Variants in DPP6 observed in about 807,000 individuals in gnomAD.
DPP6 encodes dipeptidyl peptidase like 6, also known as A-type potassium channel modulatory protein DPP6.
DPP6 carries 69 observed loss-of-function variants against 122.6 expected under a neutral mutation model. The ratio of observed to expected loss-of-function variants is 0.56; its 90% confidence interval spans 0.46 to 0.69. The LOEUF (loss-of-function observed/expected upper bound fraction) is 0.69. Among genes scored for constraint, DPP6 ranks in the 30% least tolerant of loss-of-function variants. The pLI, the probability that DPP6 is intolerant of heterozygous loss-of-function variation, is 0.00. For missense variants in DPP6, 928 were observed against 1,116.9 expected (o/e 0.83, Z 2.41); for synonymous variants, 418 against 433.1 (o/e 0.97, Z 0.43).
chr7:154,813,261 T>C (rs1276422956), intron 16 of DPP6, among the ~76,000 whole-genome samples: 2 of 151,952 alleles, frequency 1.3e-5, no homozygotes, highest in Non-Finnish European at 2.9e-5. Context: ...TTTTTTGTAT[T>C]TTTATTAGAG....
chr7:153,977,096 T>C (rs1429617439), intron 1 of DPP6, among the ~76,000 whole-genome samples: 3 of 152,206 alleles, frequency 2.0e-5, no homozygotes, highest in East Asian at 3.9e-4. Flanking sequence ...ACAGAAATCT[T>C]CATGTTTTCT....
chr7:153,754,814 G>A, the DPP6 span, among the ~76,000 whole-genome samples: 1 of 151,424 alleles, frequency 6.6e-6, no homozygotes, highest in Non-Finnish European at 1.5e-5. Context: ...TGTGGTTTGT[G>A]TGCTTAGCTC....
At chr7:154,268,271 T>A (rs2150928704) in intron 1 of DPP6, among the ~76,000 whole-genome samples, 1 of 152,330 alleles carries the variant, frequency 6.6e-6, no homozygotes, top group African/African-American at 2.4e-5. Context: ...TTCTTAGTTC[T>A]TTCTAGCTCC....
chr7:154,795,459 A>G (rs1250785202), intron 11 of DPP6, among the ~76,000 whole-genome samples: 1 of 152,186 alleles, frequency 6.6e-6, no homozygotes, highest in Non-Finnish European at 1.5e-5. Flanking sequence ...TCTGGACACA[A>G]TGTCCAATGT....
At chr7:153,753,121 T>C in the DPP6 span, among the ~76,000 whole-genome samples, 1 of 151,706 alleles carries the variant, frequency 6.6e-6, no homozygotes, top group Non-Finnish European at 1.5e-5. Context: ...ATTTCATATC[T>C]GTTTTCTCTT....
At chr7:154,770,886 T>C (rs987370633) in intron 9 of DPP6, among the ~76,000 whole-genome samples, 4 of 152,204 alleles carry the variant, frequency 2.6e-5, no homozygotes, top group African/African-American at 9.6e-5. Flanking sequence ...TGGACACAGC[T>C]CCCATGGACA....
chr7:154,151,821 G>A (rs1227339986), intron 1 of DPP6, among the ~76,000 whole-genome samples: 1 of 151,840 alleles, frequency 6.6e-6, no homozygotes, highest in Non-Finnish European at 1.5e-5. Context: ...CTCAGCCTCT[G>A]CTTCTGGGGA....
At chr7:154,290,899 A>T (rs73727945) in intron 1 of DPP6, among the ~76,000 whole-genome samples, 5,548 of 152,172 alleles carry the variant, frequency 0.036, 148 homozygotes, top group African/African-American at 0.074. Flanking sequence ...TCCCATATGG[A>T]TAGACCTTCC....
At chr7:153,773,246 A>G in the DPP6 span, among the ~76,000 whole-genome samples, 14 of 131,256 alleles carry the variant, frequency 1.1e-4, no homozygotes, top group East Asian at 2.1e-3. Context: ...GTGGTTACAG[A>G]CTGAAACTCT....
In DPP6 at chr7:154,637,882, G is replaced by A. The variant is rs1835829009; in HGVS notation, c.680+9G>A. ...AGCAAAATTCCTCATGGGTAAGAGT[G>A]TTCTTTTCTTTCTTTTAATTAGAAA... On this transcript the variant is annotated intron_variant, in intron 6 of 25. Coordinates refer to ENST00000377770, the MANE Select transcript of DPP6 (RefSeq NM_130797.4). 1.9e-6 allele frequency: 3 copies of A among 1,566,506 alleles called. No individual in the cohort carries two copies. The highest frequency in any genetic ancestry group is 1.9e-5 in the Admixed American group (1 of 52,624).
At chr7:154,531,399 C>CA (rs1827826919) in intron 3 of DPP6, among the ~76,000 whole-genome samples, 1 of 151,874 alleles carries the variant, frequency 6.6e-6, no homozygotes, top group Non-Finnish European at 1.5e-5. Context: ...AAAAACAAAA[C>CA]AAAAAACCCT....
chr7:153,951,302 T>G (rs997201957), intron 1 of DPP6, among the ~76,000 whole-genome samples: 1 of 152,166 alleles, frequency 6.6e-6, no homozygotes, highest in Non-Finnish European at 1.5e-5. Flanking sequence ...CAGGTGCATC[T>G]GGACGCAAAG....
chr7:153,903,913 G>A (rs192609416), intron 1 of DPP6, among the ~76,000 whole-genome samples: 3 of 152,314 alleles, frequency 2.0e-5, no homozygotes, highest in Admixed American at 2.0e-4. Flanking sequence ...TGAGGGTTGA[G>A]GGACTTTTGG....
chr7:153,886,296 T>C (rs537262538), upstream of DPP6, among the ~76,000 whole-genome samples: 24 of 152,060 alleles, frequency 1.6e-4, no homozygotes, highest in Non-Finnish European at 3.1e-4. Flanking sequence ...TGTGAATGGA[T>C]GATTGATGGG....
intron 6 of DPP6, among the ~76,000 whole-genome samples, chr7:154,643,728 G>T (rs1445332335): frequency 6.6e-6 from 1 of 152,038 alleles, no homozygotes; most frequent in Admixed American, 6.5e-5. Context: ...TCGGCCTCCC[G>T]AAGTGCTGGG....
intron 1 of DPP6, among the ~76,000 whole-genome samples, chr7:154,204,947 C>T (rs1316413833): frequency 6.6e-6 from 1 of 152,140 alleles, no homozygotes; most frequent in African/African-American, 2.4e-5. Context: ...CACTGAACTC[C>T]ATTTTGTCTG....
intron 1 of DPP6, among the ~76,000 whole-genome samples, chr7:154,364,059 G>A (rs770663337): frequency 3.3e-5 from 5 of 152,064 alleles, no homozygotes; most frequent in African/African-American, 7.2e-5. Flanking sequence ...TTGTGCTTCC[G>A]TGCCCTGGTC....
At chr7:154,547,982 G>A (rs1586598717) in intron 4 of DPP6, among the ~76,000 whole-genome samples, 1 of 152,142 alleles carries the variant, frequency 6.6e-6, no homozygotes, top group African/African-American at 2.4e-5. Flanking sequence ...GCCGAGGCGG[G>A]CAGATCACTT....
intron 1 of DPP6, among the ~76,000 whole-genome samples, chr7:154,320,644 C>T (rs918684296): frequency 6.6e-6 from 1 of 152,098 alleles, no homozygotes; most frequent in Admixed American, 6.5e-5. Context: ...GCCACCATGG[C>T]CAGCTAATTT....
Sources: allele counts gnomAD v4.1 joint callset (sites outside exome capture counted in the v4.1 genomes callset), GRCh38; gene constraint gnomAD v4.1.1; transcripts MANE v1.5; gene names NCBI Gene and HGNC (gene_info 2026-07-23, HGNC 2026-07-21).